HPSE2: variants seen among roughly 807,000 people sequenced by gnomAD.
HPSE2 encodes heparanase 2 (inactive).
HPSE2 carries 38 observed loss-of-function variants against 60.5 expected under a neutral mutation model. That is an observed-to-expected ratio of 0.63 (90% CI 0.48 to 0.82). The LOEUF (loss-of-function observed/expected upper bound fraction) is 0.82, where lower values mean the gene tolerates loss of function less well. Ranked by LOEUF, HPSE2 falls within the 40% of genes least tolerant of loss-of-function variation. The pLI, the probability that HPSE2 is intolerant of heterozygous loss-of-function variation, is 0.00. For missense variants in HPSE2, 713 were observed against 740.4 expected, an observed-to-expected ratio of 0.96 and a Z score of 0.43; for synonymous variants, 295 against 293.2, an observed-to-expected ratio of 1.01 and a Z score of -0.06.
At chr10:98,806,896 C>A (rs542825551) in intron 3 of HPSE2, among the ~76,000 whole-genome samples, 32 of 152,266 alleles carry the variant, frequency 2.1e-4, no homozygotes, top group African/African-American at 7.5e-4. Flanking sequence ...GTAATCCCAG[C>A]ACTTTGGGAG....
In HPSE2 at chr10:99,097,104, T is replaced by C. The variant is rs77765209; in HGVS notation, c.610+47134A>G. Among the ~76,000 whole-genome samples, 688 of 152,306 alleles carry C rather than the reference T, an allele frequency of 4.5e-3. 3 individuals are homozygous for C. Among genetic ancestry groups the C allele is most frequent in the African/African-American group, 0.016 (657 of 41,566 alleles). On this transcript the variant is annotated intron_variant, in intron 3 of 11. Transcript: ENST00000370552. ...GGCTCACTAGTTATCAGCCAGTATA[T>C]ACCCAAGGACAAGACCAGCACAAGG...
the HPSE2 span, among the ~76,000 whole-genome samples, chr10:99,281,184 T>TTATTAA: frequency 6.7e-6 from 1 of 149,508 alleles, no homozygotes; most frequent in Non-Finnish European, 1.5e-5. Flanking sequence ...TAATATTATC[T>TTATTAA]TATTAATTTT....
intron 2 of HPSE2, among the ~76,000 whole-genome samples, chr10:99,213,799 C>T (rs1346783772): frequency 1.3e-5 from 2 of 152,118 alleles, no homozygotes; most frequent in African/African-American, 4.8e-5. Context: ...ATTTCCTCTT[C>T]TACAAAATGG....
intron 3 of HPSE2, among the ~76,000 whole-genome samples, chr10:98,991,982 C>A (rs1172861100): frequency 1.3e-5 from 2 of 152,120 alleles, no homozygotes; most frequent in African/African-American, 4.8e-5. Context: ...TTCCACATAC[C>A]TTTCTCTAAA....
At chr10:98,953,566 C>T (rs543498938) in intron 3 of HPSE2, among the ~76,000 whole-genome samples, 52 of 152,178 alleles carry the variant, frequency 3.4e-4, no homozygotes, top group African/African-American at 1.2e-3. Context: ...GGGCTGTGGG[C>T]TCACTAGGTT....
intron 9 of HPSE2, among the ~76,000 whole-genome samples, chr10:98,588,629 C>T (rs950301880): frequency 1.3e-5 from 2 of 152,026 alleles, no homozygotes; most frequent in African/African-American, 2.4e-5. Context: ...AAAATACGGA[C>T]AGCTTAACAT....
the HPSE2 span, among the ~76,000 whole-genome samples, chr10:99,247,412 A>G: frequency 1.3e-5 from 2 of 152,274 alleles, no homozygotes; most frequent in Non-Finnish European, 2.9e-5. Flanking sequence ...CATGGAAATG[A>G]AAACATGATA....
intron 2 of HPSE2, among the ~76,000 whole-genome samples, chr10:99,180,685 G>C (rs746802286): frequency 1.3e-4 from 19 of 151,838 alleles, no homozygotes; most frequent in Non-Finnish European, 2.4e-4. Flanking sequence ...AGGAGTTCGA[G>C]ACCAGCCTGG....
chr10:98,843,438 A>T (rs1043225699), intron 3 of HPSE2, among the ~76,000 whole-genome samples: 12 of 152,232 alleles, frequency 7.9e-5, no homozygotes, highest in African/African-American at 2.9e-4. Context: ...TATTATTGCA[A>T]AATTGGAGGG....
chr10:98,968,549 A>G (rs996711985), intron 3 of HPSE2, among the ~76,000 whole-genome samples: 1 of 152,232 alleles, frequency 6.6e-6, no homozygotes, highest in Admixed American at 6.5e-5. Context: ...ACACATGCAC[A>G]TGCATATTTA....
intron 2 of HPSE2, among the ~76,000 whole-genome samples, chr10:99,184,809 TATATATATATAGAGAG>T (rs1261775730): frequency 3.2e-4 from 12 of 38,042 alleles, no homozygotes; most frequent in South Asian, 1.7e-3. Context: ...TATATATATA[TATATATATATAGAGAG>T]AGAGAGAGAG....
intron 9 of HPSE2, among the ~76,000 whole-genome samples, chr10:98,603,635 G>A (rs1343966893): frequency 6.6e-6 from 1 of 151,896 alleles, no homozygotes; most frequent in African/African-American, 2.4e-5. Context: ...TCACCATGTT[G>A]GGCAGGATGG....
intron 9 of HPSE2, among the ~76,000 whole-genome samples, chr10:98,554,164 A>C (rs2133858948): frequency 6.6e-6 from 1 of 152,248 alleles, no homozygotes; most frequent in South Asian, 2.1e-4. Context: ...CTGTCCTCCA[A>C]GCCTTACCTC....
At chr10:99,004,124 C>T (rs1184343592) in intron 3 of HPSE2, among the ~76,000 whole-genome samples, 1 of 151,950 alleles carries the variant, frequency 6.6e-6, no homozygotes, top group Non-Finnish European at 1.5e-5. Flanking sequence ...CACTTTCAGC[C>T]TGTGTGCCCT....
intron 3 of HPSE2, among the ~76,000 whole-genome samples, chr10:98,770,206 A>G (rs1010527672): frequency 1.3e-5 from 2 of 152,208 alleles, no homozygotes; most frequent in African/African-American, 4.8e-5. Flanking sequence ...AAAGAAAGCC[A>G]CAAGTGAGGG....
intron 3 of HPSE2, among the ~76,000 whole-genome samples, chr10:99,081,619 ATG>A (rs1491451710): frequency 2.5e-4 from 38 of 150,994 alleles, no homozygotes; most frequent in African/African-American, 9.0e-4. Flanking sequence ...GATGATGATG[ATG>A]AGATAATATA....
intron 3 of HPSE2, among the ~76,000 whole-genome samples, chr10:99,064,511 C>T (rs1250998092): frequency 1.3e-5 from 2 of 151,906 alleles, no homozygotes; most frequent in South Asian, 2.1e-4. Flanking sequence ...TTTCTCCCTC[C>T]TCTATGCCCT....
At chr10:98,577,634 A>G (rs959360612) in intron 9 of HPSE2, among the ~76,000 whole-genome samples, 4 of 152,206 alleles carry the variant, frequency 2.6e-5, no homozygotes, top group African/African-American at 9.7e-5. Flanking sequence ...AGTAAGCAAT[A>G]AACTCAGTTT....
At position 98,711,228 on chromosome 10, in the gene HPSE2, T is replaced by C. The variant is rs77183514; in HGVS notation, c.956+10429A>G. ...AGACTTGGATTCAAGCAAAGAAGGC[T>C]CTAATAACCTGAAATGATTTGACCT... On this transcript the variant is annotated intron_variant, in intron 5 of 11. Transcript: ENST00000370552. 1.1e-3 allele frequency among the ~76,000 whole-genome samples: 161 copies of C among 152,108 alleles called. 1 individual carries two copies. Among genetic ancestry groups the C allele is most frequent in the African/African-American group, 3.7e-3 (152 of 41,510 alleles).
Sources: gnomAD v4.1 joint callset for allele counts (sites outside exome capture counted in the v4.1 genomes callset) on GRCh38, gnomAD v4.1.1 for gene constraint, MANE v1.5 for transcripts, NCBI Gene and HGNC (gene_info 2026-07-23, HGNC 2026-07-21) for gene names.